Variants in SLC25A15 observed in about 807,000 individuals in gnomAD.
SLC25A15 encodes solute carrier family 25 member 15.
In SLC25A15, 24 loss-of-function variants were observed where a neutral mutation model predicts 32.3. The ratio of observed to expected loss-of-function variants is 0.74; its 90% CI spans 0.54 to 1.04. The LOEUF is 1.04. Ranked by LOEUF, SLC25A15 falls within the 50% of genes least tolerant of loss-of-function variation. The pLI is 0.00. For missense variants in SLC25A15, 317 were observed against 374.5 expected, an observed-to-expected ratio of 0.85 and a Z score of 1.27; for synonymous variants, 132 against 142.1, an observed-to-expected ratio of 0.93 and a Z score of 0.51.
intron 4 of SLC25A15, among the ~76,000 whole-genome samples, chr13:40,805,471 T>G (rs1457540515): frequency 6.6e-6 from 1 of 152,206 alleles, no homozygotes; most frequent in Non-Finnish European, 1.5e-5. Flanking sequence ...GACAGATATT[T>G]AATACCCCAG....
intron 1 of SLC25A15, among the ~76,000 whole-genome samples, chr13:40,790,580 AATTT>A (rs1402772960): frequency 6.6e-6 from 1 of 151,978 alleles, no homozygotes. Flanking sequence ...CTATTTGTAG[AATTT>A]ATTTGTTTGT....
chr13:40,803,399 G>T (rs1433330343), intron 3 of SLC25A15, among the ~76,000 whole-genome samples: 1 of 152,066 alleles, frequency 6.6e-6, no homozygotes, highest in Non-Finnish European at 1.5e-5. Flanking sequence ...TAGAGACGGG[G>T]TTTTGCCATG....
intron 4 of SLC25A15, among the ~76,000 whole-genome samples, chr13:40,805,943 A>G (rs1882155720): frequency 6.6e-6 from 1 of 152,202 alleles, no homozygotes; most frequent in South Asian, 2.1e-4. Flanking sequence ...ACTTATCTTG[A>G]CATCTGGCTG....
chr13:40,808,679 A>G, intron 6 of SLC25A15, 83 bp downstream of exon 6: 1 of 1,234,856 alleles, frequency 8.1e-7, no homozygotes, highest in Middle Eastern at 2.4e-4. Context: ...CATGCCTGTG[A>G]TCCCAGCACT....
chr13:40,808,920 G>A lies in SLC25A15; in HGVS notation c.781+324G>A, dbSNP rs571369357. Among the ~76,000 whole-genome samples the A allele has an allele frequency of 5.4e-3, 628 of 115,738 alleles. No individual in the cohort carries two copies. The Middle Eastern group carries it at 0.07, about 13-fold the overall frequency. The allele number at this position is 115,738 out of a possible 152,430, so 75.9% of individuals were successfully genotyped here. On this transcript the variant is annotated intron_variant, in intron 6 of 6. Coordinates refer to ENST00000338625, the MANE Select transcript of SLC25A15 (RefSeq NM_014252.4). The stretch of plus-strand genomic sequence containing the variant: ...ACTGCACTCCAGCCTGGGCAACAGC[G>A]AGACTCTGTCTCAAAAAAAAAAAAA...
At chr13:40,796,286 G>C (rs1039294506) in intron 2 of SLC25A15, among the ~76,000 whole-genome samples, 1 of 152,116 alleles carries the variant, frequency 6.6e-6, no homozygotes, top group Non-Finnish European at 1.5e-5. Flanking sequence ...TAAAGTGCTG[G>C]GAAGTTCCCA....
In SLC25A15 at chr13:40,806,033, T is replaced by C. The variant is rs544222734; in HGVS notation, c.452+778T>C. Among the ~76,000 whole-genome samples, 7 of 152,300 alleles carry C rather than the reference T, an allele frequency of 4.6e-5. No homozygotes were observed. The South Asian group carries it at 1.5e-3, about 32-fold the overall frequency. ...AAAAAGCAGTAGATAAATTGACCAT[T>C]TTCAAGGATCAGTCCCCACTCAGTG... On this transcript the variant is annotated intron_variant, in intron 4 of 6. Coordinates refer to ENST00000338625, the MANE Select transcript of SLC25A15 (RefSeq NM_014252.4).
intron 3 of SLC25A15, among the ~76,000 whole-genome samples, chr13:40,803,818 C>T (rs1440255730): frequency 6.6e-6 from 1 of 152,196 alleles, no homozygotes; most frequent in East Asian, 1.9e-4. Flanking sequence ...GTGGCAGTTA[C>T]ATTGCACATC....
intron 3 of SLC25A15, among the ~76,000 whole-genome samples, chr13:40,804,792 C>CT: frequency 6.6e-6 from 1 of 151,850 alleles, no homozygotes; most frequent in Middle Eastern, 3.4e-3. Flanking sequence ...CTTCGTGATC[C>CT]GCCCGCCTCG....
intron 3 of SLC25A15, among the ~76,000 whole-genome samples, chr13:40,800,174 G>A (rs886244215): frequency 6.6e-6 from 1 of 152,146 alleles, no homozygotes; most frequent in South Asian, 2.1e-4. Flanking sequence ...AACTGAATTC[G>A]GTTTCTTGTG....
At chr13:40,803,946 T>C (rs1882017975) in intron 3 of SLC25A15, among the ~76,000 whole-genome samples, 1 of 152,196 alleles carries the variant, frequency 6.6e-6, no homozygotes, top group Non-Finnish European at 1.5e-5. Flanking sequence ...TGGGGGACTA[T>C]GGGCAATATT....
At chr13:40,803,841 G>C (rs1882009556) in intron 3 of SLC25A15, among the ~76,000 whole-genome samples, 1 of 152,194 alleles carries the variant, frequency 6.6e-6, no homozygotes, top group South Asian at 2.1e-4. Context: ...GTTGCTCCAG[G>C]TTGGATTGTG....
chr13:40,794,426 G>C (rs1881609036), intron 2 of SLC25A15, among the ~76,000 whole-genome samples: 1 of 152,168 alleles, frequency 6.6e-6, no homozygotes, highest in Non-Finnish European at 1.5e-5. Context: ...GGATTTGCTG[G>C]GAATGTCAGC....
chr13:40,790,789 G>A (rs1452416426), intron 1 of SLC25A15, among the ~76,000 whole-genome samples: 9 of 152,166 alleles, frequency 5.9e-5, no homozygotes, highest in Non-Finnish European at 1.2e-4. Context: ...GGTTTCTCAT[G>A]TTGGTCAGGC....
At chr13:40,806,861 G>T (rs1386872574) in intron 4 of SLC25A15, among the ~76,000 whole-genome samples, 2 of 152,184 alleles carry the variant, frequency 1.3e-5, no homozygotes, top group African/African-American at 2.4e-5. Context: ...CCGCATCCCT[G>T]GTGCTCTGAG....
In SLC25A15 at chr13:40,807,424, C is replaced by G; in HGVS notation, c.583C>G (p.Arg195Gly). The G allele has an allele frequency of 6.2e-7, 1 of 1,614,112 alleles. No homozygotes were observed. Among genetic ancestry groups the G allele is most frequent in the Non-Finnish European group, 8.5e-7 (1 of 1,180,028 alleles). The change falls in exon 5 of 7, where the codon CGG (arginine) becomes GGG (glycine). Residue 195 changes from arginine (R) to glycine (G), a missense_variant. Transcript: ENST00000338625. ...FFFFGGYELS[R>G]SFFASGRSKD... ...CTTCTTCGGTGGCTATGAACTGAGC[C>G]GGTCCTTTTTTGCATCAGGGAGATC... is the stretch of plus-strand genomic sequence containing the variant.
intron 3 of SLC25A15, among the ~76,000 whole-genome samples, chr13:40,803,986 C>T (rs886446478): frequency 1.3e-5 from 2 of 151,960 alleles, no homozygotes; most frequent in Admixed American, 1.3e-4. Flanking sequence ...TTTTTTGTGG[C>T]GTTTTATTTT....
Position 40,799,334 on chromosome 13 carries a change from C to T in SLC25A15, c.314+19C>T, listed in dbSNP as rs1566121494. ...AGCTGAGGTGAGTCAAGGACACACACTTTTTTTATTTGTTTAAAAAAACCC... is the reference window on the plus strand; with the variant it reads ...AGCTGAGGTGAGTCAAGGACACACATTTTTTTTATTTGTTTAAAAAAACCC... On this transcript the variant is annotated intron_variant, in intron 3 of 6. Transcript: ENST00000338625. 2 of 1,613,904 alleles carry T rather than the reference C, an allele frequency of 1.2e-6. No homozygotes were observed. Among genetic ancestry groups the T allele is most frequent in the Non-Finnish European group, 1.7e-6 (2 of 1,179,912 alleles).
At position 40,807,537 on chromosome 13, in the gene SLC25A15, T is replaced by C. The variant is rs1326054118; in HGVS notation, c.622+74T>C. The C allele has an allele frequency of 3.1e-5, 48 of 1,530,400 alleles. No homozygotes were observed. In the East Asian group the frequency reaches 9.7e-4, roughly 31 times the overall value. The allele number at this position is 1,530,400 out of a possible 1,614,324, so 94.8% of individuals were successfully genotyped here. ...CTGCAGGTATGGTTTCTGTGGATTCTCTGCCCTTTGTGCTCTCCTCCCCAC... is the reference window on the plus strand; with the variant it reads ...CTGCAGGTATGGTTTCTGTGGATTCCCTGCCCTTTGTGCTCTCCTCCCCAC... On this transcript the variant is annotated intron_variant, in intron 5 of 6. Transcript: ENST00000338625.
Sources: gnomAD v4.1 joint callset for allele counts (sites outside exome capture counted in the v4.1 genomes callset) on GRCh38, gnomAD v4.1.1 for gene constraint, MANE v1.5 for transcripts, NCBI Gene and HGNC (gene_info 2026-07-23, HGNC 2026-07-21) for gene names.